Variants in TENM2 observed in about 807,000 individuals in gnomAD.
TENM2 encodes teneurin-2.
A neutral mutation model predicts 245.2 loss-of-function variants in TENM2; 52 were observed. The ratio of observed to expected loss-of-function variants is 0.21; its 90% CI spans 0.17 to 0.27. The LOEUF is 0.27. Ranked by LOEUF, TENM2 falls within the 10% of genes least tolerant of loss-of-function variation. TENM2 has a pLI of 1.00. For synonymous variants in TENM2, 1,363 were observed against 1,438.9 expected (o/e 0.95, Z 1.19); for missense variants, 3,046 against 3,666.8 (o/e 0.83, Z 4.37).
intron 1 of TENM2, among the ~76,000 whole-genome samples, chr5:167,300,272 A>G (rs1342788234): frequency 1.3e-5 from 2 of 152,178 alleles, no homozygotes; most frequent in African/African-American, 4.8e-5. Flanking sequence ...ACTGAAGTAA[A>G]GGGGACTGTC....
At chr5:168,248,670 G>C (rs1302730968) in intron 27 of TENM2, among the ~76,000 whole-genome samples, 1 of 152,156 alleles carries the variant, frequency 6.6e-6, no homozygotes, top group African/African-American at 2.4e-5. Flanking sequence ...GAGAGAATAG[G>C]GCTCTGGTGT....
chr5:167,225,909 A>T, the TENM2 span, among the ~76,000 whole-genome samples: 31 of 152,080 alleles, frequency 2.0e-4, no homozygotes, highest in East Asian at 5.2e-3. Flanking sequence ...TTATGTTTCC[A>T]GGAATTTATT....
Position 167,431,957 on chromosome 5 carries a change from A to ATG in TENM2, c.502+56485_502+56486insGT, listed in dbSNP as rs1301403960. On this transcript the variant is annotated intron_variant, in intron 2 of 28. Transcript: ENST00000518659. ...TATATATACATATATATGTATATAT[A>ATG]TATGTATATATATATATATATGGAA... 4.7e-3 allele frequency among the ~76,000 whole-genome samples: 260 copies of ATG among 54,998 alleles called. 4 individuals are homozygous for ATG. Among genetic ancestry groups the ATG allele is most frequent in the African/African-American group, 0.012 (237 of 19,648 alleles). The allele number at this position is 54,998 out of a possible 152,430, so 36.1% of individuals were successfully genotyped here.
At chr5:167,019,310 T>C in the TENM2 span, among the ~76,000 whole-genome samples, 1 of 152,128 alleles carries the variant, frequency 6.6e-6, no homozygotes, top group African/African-American at 2.4e-5. Context: ...AAGAACATGA[T>C]TGGCAAGCCA....
chr5:167,485,579 G>T (rs12517909), intron 2 of TENM2, among the ~76,000 whole-genome samples: 5,009 of 152,214 alleles, frequency 0.033, 130 homozygotes, highest in Non-Finnish European at 0.05. Context: ...GGGGCAGGAG[G>T]GGGGCAGGGA....
At chr5:167,515,159 T>C (rs1770239694) in intron 2 of TENM2, among the ~76,000 whole-genome samples, 1 of 152,208 alleles carries the variant, frequency 6.6e-6, no homozygotes, top group South Asian at 2.1e-4. Context: ...TCCTTTTTAA[T>C]CTGATAGATA....
At chr5:168,006,415 A>G (rs142155920) in intron 5 of TENM2, among the ~76,000 whole-genome samples, 69 of 152,308 alleles carry the variant, frequency 4.5e-4, no homozygotes, top group African/African-American at 1.5e-3. Flanking sequence ...TCCATGTAGA[A>G]AAGAATTTTG....
At chr5:167,922,323 G>T (rs960847998) in intron 3 of TENM2, among the ~76,000 whole-genome samples, 34 of 152,230 alleles carry the variant, frequency 2.2e-4, no homozygotes, top group African/African-American at 7.9e-4. Flanking sequence ...ATCATCAGTA[G>T]CTGGGTCTTG....
chr5:167,959,725 T>C (rs1363819193), intron 4 of TENM2, among the ~76,000 whole-genome samples: 3 of 152,172 alleles, frequency 2.0e-5, no homozygotes, highest in African/African-American at 2.4e-5. Context: ...TCATTCTTCA[T>C]TGAGTTTTGT....
At chr5:167,540,102 T>A (rs1344681249) in intron 2 of TENM2, among the ~76,000 whole-genome samples, 1 of 152,150 alleles carries the variant, frequency 6.6e-6, no homozygotes, top group Non-Finnish European at 1.5e-5. Flanking sequence ...TTAAATTACA[T>A]CGTTGGAGTA....
rs148756877 is a variant in TENM2 at position 167,832,734 on chromosome 5, A to G, written c.503-43252A>G. On this transcript the variant is annotated intron_variant, in intron 2 of 28. Coordinates refer to ENST00000518659, the Ensembl canonical transcript of TENM2. Reference sequence around the variant, plus strand: ...AGGGATGGAGGAAGGAAGAAGAAAGAAATATATGTAGAGAGAAATATTGAT... The same window carrying G: ...AGGGATGGAGGAAGGAAGAAGAAAGGAATATATGTAGAGAGAAATATTGAT... Among the ~76,000 whole-genome samples the G allele has an allele frequency of 7.4e-3, 1,126 of 152,206 alleles. 11 individuals carry two copies. The highest frequency in any genetic ancestry group is 0.026 in the African/African-American group (1,072 of 41,526).
At chr5:167,740,789 G>A (rs1761126972) in intron 2 of TENM2, among the ~76,000 whole-genome samples, 1 of 152,102 alleles carries the variant, frequency 6.6e-6, no homozygotes, top group Non-Finnish European at 1.5e-5. Flanking sequence ...TCCTCTTACT[G>A]AAACAATATA....
the TENM2 span, among the ~76,000 whole-genome samples, chr5:167,082,883 A>C: frequency 6.6e-6 from 1 of 152,142 alleles, no homozygotes; most frequent in Admixed American, 6.6e-5. Context: ...TGTTTTAAAA[A>C]ATAATTTTAA....
At chr5:167,103,062 G>C in the TENM2 span, among the ~76,000 whole-genome samples, 1 of 152,170 alleles carries the variant, frequency 6.6e-6, no homozygotes, top group Non-Finnish European at 1.5e-5. Context: ...CTTCAAGACT[G>C]AGTTAAACAT....
intron 2 of TENM2, among the ~76,000 whole-genome samples, chr5:167,437,704 G>A (rs572986103): frequency 1.1e-4 from 16 of 152,116 alleles, no homozygotes; most frequent in Admixed American, 3.3e-4. Context: ...TTACGGCTGC[G>A]GGTCTTTCCT....
chr5:168,063,643 G>A (rs1406881092), intron 7 of TENM2, among the ~76,000 whole-genome samples: 1 of 152,132 alleles, frequency 6.6e-6, no homozygotes, highest in Non-Finnish European at 1.5e-5. Context: ...CAAATGCAAG[G>A]TAGTCAGGCT....
At chr5:167,432,957 GC>G (rs1764334934) in intron 2 of TENM2, among the ~76,000 whole-genome samples, 1 of 152,034 alleles carries the variant, frequency 6.6e-6, no homozygotes, top group Admixed American at 6.6e-5. Context: ...ACACGTTATT[GC>G]TTTAATGTTT....
chr5:167,119,664 C>G, the TENM2 span: 1 of 152,142 alleles, frequency 6.6e-6, no homozygotes, highest in African/African-American at 2.4e-5. Flanking sequence ...GACCTCATGA[C>G]CCAAGCACTT....
At chr5:167,568,626 C>G (rs1774060227) in intron 2 of TENM2, among the ~76,000 whole-genome samples, 1 of 150,508 alleles carries the variant, frequency 6.6e-6, no homozygotes. Context: ...TTCATTTGTG[C>G]ACAGACAGGC....
Sources: allele counts gnomAD v4.1 joint callset (sites outside exome capture counted in the v4.1 genomes callset), GRCh38; gene constraint gnomAD v4.1.1; transcripts MANE v1.5; gene names NCBI Gene and HGNC (gene_info 2026-07-23, HGNC 2026-07-21).